The following EYS variants were observed in gnomAD, a reference collection of about 807,000 sequenced individuals.
The protein encoded by EYS is protein eyes shut homolog.
In EYS, 250 loss-of-function variants were observed where a neutral mutation model predicts 282.1. The observed-to-expected ratio is 0.89, with a 90% CI of 0.80 to 0.98. EYS has a LOEUF of 0.98. EYS is among the 50% of genes least tolerant of loss of function. The pLI, the probability that EYS is intolerant of heterozygous loss-of-function variation, is 0.00. For missense variants in EYS, 4,016 were observed against 3,709.0 expected (o/e 1.08, Z -2.15); for synonymous variants, 1,355 against 1,282.9 (o/e 1.06, Z -1.20).
intron 12 of EYS, among the ~76,000 whole-genome samples, chr6:65,088,539 T>C (rs947750765): frequency 7.2e-5 from 11 of 152,146 alleles, no homozygotes; most frequent in Admixed American, 5.2e-4. Context: ...AGAGATGATC[T>C]AGGTTATCTG....
intron 16 of EYS, among the ~76,000 whole-genome samples, chr6:64,910,979 AT>A (rs1170470016): frequency 1.3e-5 from 2 of 151,744 alleles, no homozygotes; most frequent in Non-Finnish European, 2.9e-5. Context: ...ATATTCTGAG[AT>A]TTTTTTTCTA....
chr6:65,629,489 T>G (rs1370125002), intron 2 of EYS, among the ~76,000 whole-genome samples: 1 of 152,162 alleles, frequency 6.6e-6, no homozygotes, highest in African/African-American at 2.4e-5. Context: ...ATAAGACTTT[T>G]AAGAATCCTG....
chr6:63,797,553 C>G (rs1401406170), intron 37 of EYS: 1 of 152,128 alleles, frequency 6.6e-6, no homozygotes, highest in Non-Finnish European at 1.5e-5. Context: ...TATCTTAGAC[C>G]TGTATAGCTC....
chr6:64,263,207 ATC>A (rs1384641892), intron 30 of EYS, among the ~76,000 whole-genome samples: 1 of 152,018 alleles, frequency 6.6e-6, no homozygotes, highest in Non-Finnish European at 1.5e-5. Flanking sequence ...CCTCACTGTC[ATC>A]TCTCTTATTT....
chr6:64,794,661 T>C (rs1280391299), intron 22 of EYS, among the ~76,000 whole-genome samples: 1 of 152,192 alleles, frequency 6.6e-6, no homozygotes, highest in Non-Finnish European at 1.5e-5. Flanking sequence ...AATACAGTGT[T>C]CATCAACAAA....
chr6:63,720,687 A>G lies in EYS; in HGVS notation c.9344T>C (p.Val3115Ala), dbSNP rs748838955. Residue 3115 changes from valine to alanine, a missense_variant, in exon 43 of 43, where the codon GTT (valine) becomes GCT (alanine). Val to Ala is a moderately conservative substitution (Grantham distance 64, BLOSUM62 0). Transcript: ENST00000503581. ...KTNFVGKIKD[V>A]VFFQEPKNIE... ...GTTTTTTGGTTCCTGAAAAAATACA[A>G]CATCTTTAATTTTGCCAACAAAATT... 2 of 1,546,820 alleles carry G rather than the reference A, an allele frequency of 1.3e-6. No individual in the cohort carries two copies. The highest frequency in any genetic ancestry group is 1.7e-6 in the Non-Finnish European group (2 of 1,145,480).
At chr6:65,130,905 G>A (rs116313426) in intron 12 of EYS, among the ~76,000 whole-genome samples, 307 of 151,112 alleles carry the variant, frequency 2.0e-3, no homozygotes, top group African/African-American at 6.5e-3. Context: ...ACTGTTTATT[G>A]TAAGTGGTAA....
intron 30 of EYS, among the ~76,000 whole-genome samples, chr6:64,276,048 G>A (rs1240887791): frequency 6.6e-6 from 1 of 151,114 alleles, no homozygotes; most frequent in African/African-American, 2.4e-5. Context: ...ATACAGCATT[G>A]CCCTGAAAAT....
At chr6:64,088,782 G>T (rs764647568) in intron 31 of EYS, among the ~76,000 whole-genome samples, 1 of 151,844 alleles carries the variant, frequency 6.6e-6, no homozygotes. Context: ...TGAACACAAC[G>T]CAACTTAGCA....
At chr6:65,604,267 C>T (rs540231258) in intron 2 of EYS, among the ~76,000 whole-genome samples, 1 of 151,932 alleles carries the variant, frequency 6.6e-6, no homozygotes, top group East Asian at 1.9e-4. Flanking sequence ...TGCTATAAAA[C>T]AGGAGGAATT....
chr6:65,052,976 TTAA>T (rs1273954458), intron 13 of EYS, among the ~76,000 whole-genome samples: 1 of 151,754 alleles, frequency 6.6e-6, no homozygotes, highest in Non-Finnish European at 1.5e-5. Flanking sequence ...ATATACAGCA[TTAA>T]TAACATTTTG....
At chr6:65,659,610 C>G (rs559937702) in intron 1 of EYS, among the ~76,000 whole-genome samples, 2 of 151,688 alleles carry the variant, frequency 1.3e-5, no homozygotes, top group East Asian at 3.9e-4. Context: ...ACGAGGAGAA[C>G]TGGAAATACT....
intron 41 of EYS, among the ~76,000 whole-genome samples, chr6:63,750,308 C>A (rs1333774531): frequency 3.9e-5 from 6 of 152,098 alleles, no homozygotes; most frequent in African/African-American, 1.4e-4. Flanking sequence ...TCATGTTCTG[C>A]TGTTTCTTTG....
intron 14 of EYS, among the ~76,000 whole-genome samples, chr6:64,982,320 G>A (rs1770702591): frequency 6.6e-6 from 1 of 151,348 alleles, no homozygotes; most frequent in Non-Finnish European, 1.5e-5. Context: ...TTTAATTATA[G>A]TGTATTCGTG....
At chr6:63,963,310 C>T (rs1766163622) in intron 35 of EYS, among the ~76,000 whole-genome samples, 2 of 151,278 alleles carry the variant, frequency 1.3e-5, no homozygotes, top group African/African-American at 4.9e-5. Flanking sequence ...GCAATAAAAC[C>T]CAATCATGTA....
At chr6:65,385,113 G>C (rs1321354071) in intron 7 of EYS, among the ~76,000 whole-genome samples, 1 of 151,828 alleles carries the variant, frequency 6.6e-6, no homozygotes, top group Non-Finnish European at 1.5e-5. Context: ...TAATTTGTAG[G>C]AAACAGTCCT....
At chr6:64,757,749 TGTGTGTGTG>T (rs1772998229) in intron 22 of EYS, among the ~76,000 whole-genome samples, 1 of 62,234 alleles carries the variant, frequency 1.6e-5, no homozygotes, top group Non-Finnish European at 3.7e-5. Context: ...TTTCTTTGTG[TGTGTGTGTG>T]TGTGTGTGTG....
chr6:64,206,533 T>C (rs1765612529), intron 31 of EYS, among the ~76,000 whole-genome samples: 1 of 152,208 alleles, frequency 6.6e-6, no homozygotes, highest in Admixed American at 6.5e-5. Flanking sequence ...TTGTCATATT[T>C]GCAACCTGAG....
intron 12 of EYS, among the ~76,000 whole-genome samples, chr6:65,265,386 A>C (rs1198815178): frequency 6.6e-6 from 1 of 152,058 alleles, no homozygotes; most frequent in Non-Finnish European, 1.5e-5. Context: ...TTAGGGGATA[A>C]GGTATTTAAA....
Sources: allele counts gnomAD v4.1 joint callset (sites outside exome capture counted in the v4.1 genomes callset), GRCh38; gene constraint gnomAD v4.1.1; transcripts MANE v1.5; gene names NCBI Gene and HGNC (gene_info 2026-07-23, HGNC 2026-07-21).